WDR27: variants seen among roughly 807,000 people sequenced by gnomAD.
WDR27 encodes WD repeat domain 27, also known as WD repeat-containing protein 27.
In WDR27, 100 loss-of-function variants were observed where a neutral mutation model predicts 114.4. The observed-to-expected ratio is 0.87, with a 90% CI of 0.74 to 1.03. The LOEUF is 1.03. Among genes scored for constraint, WDR27 ranks in the 50% least tolerant of loss-of-function variants. The pLI is 0.00. For synonymous variants in WDR27, 449 were observed against 423.1 expected, an observed-to-expected ratio of 1.06 and a Z score of -0.75; for missense variants, 1,129 against 1,092.9, an observed-to-expected ratio of 1.03 and a Z score of -0.47.
At chr6:169,533,609 A>G (rs1368374552) in intron 25 of WDR27, among the ~76,000 whole-genome samples, 2 of 152,180 alleles carry the variant, frequency 1.3e-5, no homozygotes, top group Admixed American at 6.5e-5. Flanking sequence ...GAATGAGCAG[A>G]GATCCCACAT....
chr6:169,676,864 T>C (rs1282649921), intron 2 of WDR27, among the ~76,000 whole-genome samples: 1 of 152,206 alleles, frequency 6.6e-6, no homozygotes, highest in Non-Finnish European at 1.5e-5. Flanking sequence ...TCTCCCTAAA[T>C]TGTATAAATC....
chr6:169,618,131 C>T (rs952782310), intron 21 of WDR27, among the ~76,000 whole-genome samples: 8 of 152,080 alleles, frequency 5.3e-5, no homozygotes, highest in Non-Finnish European at 1.2e-4. Context: ...ATTTCATTTC[C>T]TTTTTAAAAA....
chr6:169,512,943 A>G (rs187971898), intron 25 of WDR27, among the ~76,000 whole-genome samples: 119 of 152,358 alleles, frequency 7.8e-4, no homozygotes, highest in Non-Finnish European at 1.5e-3. Flanking sequence ...CCAACTCTAA[A>G]GGAGACGGAC....
intron 24 of WDR27, among the ~76,000 whole-genome samples, chr6:169,581,367 T>C (rs879884910): frequency 3.2e-4 from 49 of 152,172 alleles, no homozygotes; most frequent in Admixed American, 9.8e-4. Context: ...TTCATTTTTC[T>C]TTCTTTCTGA....
rs545872427 is a variant in WDR27, at chr6:169,639,182, T to A, written c.1748-522A>T. Among the ~76,000 whole-genome samples the A allele has an allele frequency of 1.5e-4, 21 of 136,412 alleles. No homozygotes were observed. In the East Asian group the frequency reaches 4.1e-3, roughly 27 times the overall value. 89.5% of individuals were successfully genotyped at this position (136,412 alleles called of 152,430 possible). The stretch of plus-strand genomic sequence containing the variant: ...GTGTACTGCGTGGTGCTGGGTACTG[T>A]GTGGAGCGTGTACTGCGTGGTGCTG... On this transcript the variant is annotated intron_variant, in intron 17 of 25. Coordinates refer to ENST00000448612, the MANE Select transcript of WDR27 (RefSeq NM_182552.5).
chr6:169,457,670 C>T (rs778060400), intron 25 of WDR27, 36 bp from the exon 26 acceptor site: 3 of 1,503,160 alleles, frequency 2.0e-6, no homozygotes, highest in Admixed American at 2.1e-5. Flanking sequence ...TAATTCCAAT[C>T]GCCTTTTATT....
intron 16 of WDR27, 159 bp downstream of exon 16, chr6:169,647,614 G>A (rs774065671): frequency 1.5e-5 from 11 of 744,294 alleles, no homozygotes; most frequent in Non-Finnish European, 2.1e-5. Context: ...ACGCAGTCTC[G>A]GTTTTCATCC....
In WDR27 at chr6:169,659,022, T is replaced by C. The variant is rs1022911889; in HGVS notation, c.1319+64A>G. 14 of 1,473,446 alleles carry C rather than the reference T, an allele frequency of 9.5e-6. No homozygotes were observed. The highest frequency in any genetic ancestry group is 4.2e-5 in the African/African-American group (3 of 70,606). The allele number at this position is 1,473,446 out of a possible 1,614,324, so 91.3% of individuals were successfully genotyped here. ...GTTTTCTAATCTTTATTTCTGAACA[T>C]AGAAATCCAGATGGCACTTATTGGT... On this transcript the variant is annotated intron_variant, in intron 12 of 25. Coordinates refer to ENST00000448612, the MANE Select transcript of WDR27 (RefSeq NM_182552.5). This position sits in a 1 kb window ranked among gnomAD's most constrained non-coding sequence, Gnocchi z 4.3.
At chr6:169,650,765 C>T (rs1474458129) in intron 14 of WDR27, among the ~76,000 whole-genome samples, 1 of 151,074 alleles carries the variant, frequency 6.6e-6, no homozygotes, top group East Asian at 2.0e-4. Context: ...CACCATCTAT[C>T]CACTTATTCA....
intron 24 of WDR27, among the ~76,000 whole-genome samples, chr6:169,575,573 A>G (rs1021550574): frequency 2.6e-5 from 4 of 152,132 alleles, no homozygotes; most frequent in Non-Finnish European, 5.9e-5. Flanking sequence ...GTCTGGTGGG[A>G]GGGGCTGCCC....
intron 25 of WDR27, among the ~76,000 whole-genome samples, chr6:169,505,844 C>A (rs1022631480): frequency 1.2e-4 from 18 of 152,198 alleles, no homozygotes; most frequent in African/African-American, 3.9e-4. Context: ...TTCATTAGGA[C>A]TGGGCAGGGG....
At chr6:169,456,005 C>A (rs1288309511), downstream of WDR27, among the ~76,000 whole-genome samples, 7 of 151,990 alleles carry the variant, frequency 4.6e-5, no homozygotes, top group Admixed American at 4.6e-4. This position sits in a 1 kb window ranked among gnomAD's most constrained non-coding sequence, Gnocchi z 4.0. Context: ...AAAACCATAG[C>A]AATATGTGTC....
chr6:169,619,952 T>C (rs1473135595), intron 21 of WDR27, among the ~76,000 whole-genome samples: 3 of 152,226 alleles, frequency 2.0e-5, no homozygotes, highest in Admixed American at 6.5e-5. Context: ...TTTCGACATA[T>C]GGCAAAGACA....
chr6:169,563,855 G>A (rs1302756420), intron 25 of WDR27, among the ~76,000 whole-genome samples: 1 of 152,228 alleles, frequency 6.6e-6, no homozygotes, highest in East Asian at 1.9e-4. Flanking sequence ...GCAGCTCAGA[G>A]GCGCTAAAAA....
intron 25 of WDR27, among the ~76,000 whole-genome samples, chr6:169,543,857 G>C (rs970393067): frequency 2.6e-5 from 4 of 152,114 alleles, no homozygotes; most frequent in African/African-American, 9.7e-5. Context: ...ACTTTGAACA[G>C]ATTTTTACCA....
chr6:169,692,925 C>T (rs1034010605), intron 1 of WDR27, among the ~76,000 whole-genome samples: 1 of 152,150 alleles, frequency 6.6e-6, no homozygotes, highest in Non-Finnish European at 1.5e-5. Context: ...ACCAGAATGC[C>T]TCCCCTCGCC....
chr6:169,608,460 G>T (rs1562684484), intron 22 of WDR27, among the ~76,000 whole-genome samples: 1 of 152,158 alleles, frequency 6.6e-6, no homozygotes, highest in Non-Finnish European at 1.5e-5. Flanking sequence ...TCACAATCAT[G>T]GTGGAAGGCA....
chr6:169,482,549 C>G (rs1378174184), intron 25 of WDR27, among the ~76,000 whole-genome samples: 1 of 152,122 alleles, frequency 6.6e-6, no homozygotes, highest in African/African-American at 2.4e-5. Flanking sequence ...TCTTAGAGAC[C>G]TTCAAAGAGA....
intron 3 of WDR27, 53 bp downstream of exon 3, chr6:169,672,202 A>G (rs764991517): frequency 6.3e-7 from 1 of 1,584,038 alleles, no homozygotes; most frequent in Non-Finnish European, 8.6e-7. Context: ...ATACTGAAGG[A>G]TGAGTTATTC....
Sources: allele counts gnomAD v4.1 joint callset (sites outside exome capture counted in the v4.1 genomes callset), GRCh38; gene constraint gnomAD v4.1.1; non-coding constraint Gnocchi (gnomAD v3.1); transcripts MANE v1.5; gene names NCBI Gene and HGNC (gene_info 2026-07-23, HGNC 2026-07-21).